VDAC1: variants seen among roughly 807,000 people sequenced by gnomAD.
The protein encoded by VDAC1 is voltage dependent anion channel 1, also known as non-selective voltage-gated ion channel VDAC1.
In VDAC1, 10 loss-of-function variants were observed where a neutral mutation model predicts 34.7. The ratio of observed to expected loss-of-function variants is 0.29; its 90% CI spans 0.18 to 0.49. VDAC1 has a LOEUF of 0.49. VDAC1 is among the 20% of genes least tolerant of loss of function. The pLI is 0.99. For missense variants in VDAC1, 230 were observed against 347.9 expected (o/e 0.66, Z 2.69); for synonymous variants, 130 against 136.0 (o/e 0.96, Z 0.30).
chr5:134,018,923 C>T, the VDAC1 span, among the ~76,000 whole-genome samples: 20 of 152,110 alleles, frequency 1.3e-4, no homozygotes, highest in South Asian at 6.2e-4. Context: ...TTTACCCCTA[C>T]GCATCATCAC....
the VDAC1 span, among the ~76,000 whole-genome samples, chr5:134,091,545 A>G: frequency 6.6e-6 from 1 of 152,166 alleles, no homozygotes; most frequent in African/African-American, 2.4e-5. Context: ...GCTGGGCCAC[A>G]ATGAGCAAGA....
chr5:134,039,517 A>G, the VDAC1 span, among the ~76,000 whole-genome samples: 1 of 75,466 alleles, frequency 1.3e-5, no homozygotes, highest in Non-Finnish European at 3.5e-5. Flanking sequence ...TTTAGTAGAG[A>G]CGGGGGTTTC....
the VDAC1 span, among the ~76,000 whole-genome samples, chr5:134,013,389 C>T: frequency 9.9e-5 from 15 of 152,070 alleles, no homozygotes; most frequent in South Asian, 4.1e-4. Context: ...GAGCTATGAT[C>T]GCACCTCTGC....
At chr5:134,037,635 T>C in the VDAC1 span, among the ~76,000 whole-genome samples, 2 of 152,198 alleles carry the variant, frequency 1.3e-5, no homozygotes, top group African/African-American at 4.8e-5. Flanking sequence ...GCTAAACCAA[T>C]GTATAGCTTC....
At chr5:134,089,698 G>A in the VDAC1 span, among the ~76,000 whole-genome samples, 5 of 114,266 alleles carry the variant, frequency 4.4e-5, no homozygotes, top group African/African-American at 5.0e-5. Context: ...GGCCGGGTGC[G>A]GTGGCTCATG....
the VDAC1 span, among the ~76,000 whole-genome samples, chr5:134,052,405 T>C: frequency 6.6e-6 from 1 of 152,106 alleles, no homozygotes; most frequent in East Asian, 1.9e-4. Flanking sequence ...CTTGGCTCAC[T>C]GCAGCCTCGA....
At chr5:134,054,458 C>CTTTTTTTTT in the VDAC1 span, among the ~76,000 whole-genome samples, 18 of 123,544 alleles carry the variant, frequency 1.5e-4, no homozygotes, top group East Asian at 2.3e-4. Flanking sequence ...TCCTTCCTTC[C>CTTTTTTTTT]TTTTTTTTTT....
chr5:133,975,436 CTTTG>C (rs902701920), intron 7 of VDAC1, among the ~76,000 whole-genome samples: 1 of 151,182 alleles, frequency 6.6e-6, no homozygotes, highest in African/African-American at 2.4e-5. Context: ...ACATCTCTCA[CTTTG>C]TTTTTGTTTT....
the VDAC1 span, among the ~76,000 whole-genome samples, chr5:134,084,595 C>A: frequency 6.6e-6 from 1 of 152,250 alleles, no homozygotes; most frequent in African/African-American, 2.4e-5. Flanking sequence ...CTACCTCCAG[C>A]CTGCTGTGGT....
chr5:133,979,127 G>T (rs1352941261), intron 6 of VDAC1, among the ~76,000 whole-genome samples: 2 of 152,208 alleles, frequency 1.3e-5, no homozygotes, highest in Non-Finnish European at 2.9e-5. Flanking sequence ...CAACCCAGAT[G>T]AGTTGTGTCA....
chr5:134,074,415 G>A, the VDAC1 span, among the ~76,000 whole-genome samples: 2 of 152,178 alleles, frequency 1.3e-5, no homozygotes, highest in African/African-American at 4.8e-5. Context: ...AAACATGCTA[G>A]CATGGGGGTG....
chr5:134,007,833 GC>G (rs1315911932), upstream of VDAC1, among the ~76,000 whole-genome samples: 2 of 152,176 alleles, frequency 1.3e-5, no homozygotes, highest in African/African-American at 4.8e-5. Flanking sequence ...CCCTGTTCTT[GC>G]CATGCGTGGG....
chr5:134,021,479 T>C, the VDAC1 span, among the ~76,000 whole-genome samples: 2 of 151,492 alleles, frequency 1.3e-5, no homozygotes, highest in African/African-American at 4.9e-5. Context: ...AGAATGATGG[T>C]TTCCAGCTTC....
intron 5 of VDAC1, among the ~76,000 whole-genome samples, chr5:133,988,343 T>C (rs910611283): frequency 6.6e-5 from 10 of 151,224 alleles, no homozygotes; most frequent in Non-Finnish European, 1.2e-4. Flanking sequence ...ACCCGGCACT[T>C]TGGGAGGCTG....
the VDAC1 span, among the ~76,000 whole-genome samples, chr5:134,100,529 G>A: frequency 6.6e-6 from 1 of 152,214 alleles, no homozygotes; most frequent in Admixed American, 6.5e-5. Context: ...GACCCAGCCT[G>A]CAGCCTCCTG....
the VDAC1 span, among the ~76,000 whole-genome samples, chr5:134,056,236 C>T: frequency 1.4e-5 from 1 of 70,172 alleles, no homozygotes; most frequent in Admixed American, 1.8e-4. Flanking sequence ...AGTGAAACTC[C>T]GTCTCAAAAA....
chr5:134,054,752 C>T, the VDAC1 span, among the ~76,000 whole-genome samples: 1 of 152,302 alleles, frequency 6.6e-6, no homozygotes, highest in South Asian at 2.1e-4. Context: ...TGAGCCACCT[C>T]GCCCAACTGG....
At chr5:134,020,331 C>T in the VDAC1 span, among the ~76,000 whole-genome samples, 5 of 152,048 alleles carry the variant, frequency 3.3e-5, no homozygotes, top group South Asian at 2.1e-4. Flanking sequence ...GGTTCTTCCA[C>T]GACTCCCCCG....
chr5:134,058,610 C>T, the VDAC1 span, among the ~76,000 whole-genome samples: 3 of 152,202 alleles, frequency 2.0e-5, no homozygotes, highest in Non-Finnish European at 2.9e-5. Flanking sequence ...CCACCGCACC[C>T]GGCCCAAGGA....
Sources: allele counts gnomAD v4.1 joint callset (sites outside exome capture counted in the v4.1 genomes callset), GRCh38; gene constraint gnomAD v4.1.1; transcripts MANE v1.5; gene names NCBI Gene and HGNC (gene_info 2026-07-23, HGNC 2026-07-21).